Variants in ADORA2B observed in about 807,000 individuals in gnomAD.
ADORA2B encodes adenosine A2b receptor.
ADORA2B carries 18 observed loss-of-function variants against 20.8 expected under a neutral mutation model. The observed-to-expected ratio is 0.87, with a 90% confidence interval of 0.60 to 1.29. ADORA2B has a LOEUF of 1.29. Ranked by LOEUF, ADORA2B falls within the 50% of genes most tolerant of loss-of-function variation. ADORA2B has a pLI of 0.00. For synonymous variants in ADORA2B, 179 were observed against 178.3 expected, an observed-to-expected ratio of 1.00 and a Z score of -0.03; for missense variants, 441 against 422.7, an observed-to-expected ratio of 1.04 and a Z score of -0.38.
In ADORA2B at chr17:15,945,575, C is replaced by A; in HGVS notation, c.327C>A (p.Val109=). 1 of 1,531,654 alleles carries A rather than the reference C, an allele frequency of 6.5e-7. No individual in the cohort carries two copies. Among genetic ancestry groups the A allele is most frequent in the Non-Finnish European group, 8.7e-7 (1 of 1,142,924 alleles). 94.9% of individuals were successfully genotyped at this position (1,531,654 alleles called of 1,614,324 possible). Residue 109 remains valine, a synonymous_variant, in exon 1 of 2, where the codon GTC becomes GTA. Transcript: ENST00000304222. ...VAVDRYLAIC[V]PLRYKSLVTG... ...TCGACAGATACCTGGCCATCTGTGT[C>A]CCGCTCAGGTGAGGCGCTCGGCGTC...
the ADORA2B span, among the ~76,000 whole-genome samples, chr17:15,858,156 A>G: frequency 1.3e-5 from 2 of 152,000 alleles, no homozygotes; most frequent in Non-Finnish European, 2.9e-5. Flanking sequence ...TGGTAGTTCT[A>G]TTGTTATGTT....
At chr17:15,966,186 G>A (rs965215938) in intron 1 of ADORA2B, among the ~76,000 whole-genome samples, 1 of 152,236 alleles carries the variant, frequency 6.6e-6, no homozygotes, top group African/African-American at 2.4e-5. Flanking sequence ...ACTATAAACG[G>A]AAGAAACATC....
the ADORA2B span, among the ~76,000 whole-genome samples, chr17:15,907,012 G>C: frequency 6.6e-6 from 1 of 152,144 alleles, no homozygotes; most frequent in Non-Finnish European, 1.5e-5. Flanking sequence ...CATCTCTCTT[G>C]GGTTTGTAGG....
chr17:15,899,206 G>T, the ADORA2B span, among the ~76,000 whole-genome samples: 4 of 151,890 alleles, frequency 2.6e-5, no homozygotes, highest in Non-Finnish European at 5.9e-5. Flanking sequence ...CTCCAGCCTG[G>T]GTGACAGAGC....
the ADORA2B span, among the ~76,000 whole-genome samples, chr17:15,882,402 G>C: frequency 2.0e-5 from 3 of 152,206 alleles, no homozygotes; most frequent in Non-Finnish European, 4.4e-5. Flanking sequence ...GGCTTTTAGA[G>C]ACTGCACTGG....
At position 15,974,754 on chromosome 17, in the gene ADORA2B, A is replaced by T; in HGVS notation, c.411A>T (p.Gly137=). 1 of 1,614,176 alleles carries T rather than the reference A, an allele frequency of 6.2e-7. No homozygotes were observed. Among genetic ancestry groups the T allele is most frequent in the South Asian group, 1.1e-5 (1 of 91,080 alleles). Residue 137 remains glycine (G), a synonymous_variant, in exon 2 of 2, where the codon GGA becomes GGT. Transcript: ENST00000304222. ...TCTGGGTCCTTGCCTTTGGCATCGG[A>T]TTGACTCCATTCCTGGGGTGGAACA... is the stretch of plus-strand genomic sequence containing the variant. ...AVLWVLAFGI[G]LTPFLGWNSK... is the part of the protein sequence containing the mutation.
chr17:15,966,194 A>G (rs1970113138), intron 1 of ADORA2B, among the ~76,000 whole-genome samples: 1 of 152,256 alleles, frequency 6.6e-6, no homozygotes, highest in Admixed American at 6.5e-5. Context: ...CGGAAGAAAC[A>G]TCCCTAAAAC....
chr17:15,921,176 C>T, the ADORA2B span, among the ~76,000 whole-genome samples: 1 of 81,668 alleles, frequency 1.2e-5, no homozygotes, highest in Non-Finnish European at 2.3e-5. Flanking sequence ...AACCTGTTTC[C>T]AGAAAGCAGA....
intron 1 of ADORA2B, among the ~76,000 whole-genome samples, chr17:15,966,153 T>A (rs1970112587): frequency 6.6e-6 from 1 of 152,238 alleles, no homozygotes; most frequent in South Asian, 2.1e-4. Flanking sequence ...TTCAGAGGAA[T>A]TTAAAGCTTG....
chr17:15,877,019 C>G, the ADORA2B span, among the ~76,000 whole-genome samples: 1 of 152,122 alleles, frequency 6.6e-6, no homozygotes, highest in South Asian at 2.1e-4. Flanking sequence ...TCCTTTTTGT[C>G]TGGCTTATTT....
At chr17:15,903,584 C>G in the ADORA2B span, among the ~76,000 whole-genome samples, 145 of 152,310 alleles carry the variant, frequency 9.5e-4, no homozygotes, top group African/African-American at 3.4e-3. Context: ...AGCCTCCCAG[C>G]CCATCCCCAC....
the ADORA2B span, among the ~76,000 whole-genome samples, chr17:15,902,175 GT>G: frequency 6.6e-6 from 1 of 151,398 alleles, no homozygotes; most frequent in African/African-American, 2.4e-5. Context: ...TGTTTTCAAA[GT>G]TCATCCAGGT....
At chr17:15,911,629 C>T in the ADORA2B span, among the ~76,000 whole-genome samples, 2 of 152,168 alleles carry the variant, frequency 1.3e-5, no homozygotes, top group Non-Finnish European at 2.9e-5. Context: ...TCCCTTTAGG[C>T]TAACAAGAAG....
At chr17:15,946,776 C>CTCAG (rs1162732151) in intron 1 of ADORA2B, among the ~76,000 whole-genome samples, 3 of 152,146 alleles carry the variant, frequency 2.0e-5, no homozygotes, top group Non-Finnish European at 4.4e-5. Flanking sequence ...GGGGCTTGAA[C>CTCAG]TCACAGCTGG....
At chr17:15,933,965 T>G in the ADORA2B span, among the ~76,000 whole-genome samples, 2 of 152,170 alleles carry the variant, frequency 1.3e-5, no homozygotes, top group Non-Finnish European at 2.9e-5. Context: ...CTTTTATCAT[T>G]GAATACGCTA....
the ADORA2B span, among the ~76,000 whole-genome samples, chr17:15,864,304 C>T: frequency 2.0e-5 from 3 of 152,178 alleles, no homozygotes; most frequent in Non-Finnish European, 2.9e-5. Context: ...GCATATGCAA[C>T]GGGAAGCCAG....
chr17:15,964,414 C>G (rs1485667269), intron 1 of ADORA2B, among the ~76,000 whole-genome samples: 6 of 151,526 alleles, frequency 4.0e-5, no homozygotes, highest in Admixed American at 6.6e-5. Context: ...CGAGACCAGC[C>G]TGGCCAGCAT....
At chr17:15,860,429 T>G in the ADORA2B span, among the ~76,000 whole-genome samples, 1 of 149,762 alleles carries the variant, frequency 6.7e-6, no homozygotes. Flanking sequence ...CCGCTGCCTG[T>G]GACCTGGTCA....
chr17:15,964,823 A>AG lies in ADORA2B; in HGVS notation c.336-9854dup, dbSNP rs537418461. Among the ~76,000 whole-genome samples the AG allele has an allele frequency of 6.8e-4, 104 of 151,856 alleles. No homozygotes were observed. In the East Asian group the frequency reaches 0.015, roughly 22 times the overall value. ...ACGCCTGTAACCCCAGCACTTTGGG[A>AG]GGCCAAGGTGGGCGAATCACGAGGT... On this transcript the variant is annotated intron_variant, in intron 1 of 1. Transcript: ENST00000304222.
Sources: allele counts gnomAD v4.1 joint callset (sites outside exome capture counted in the v4.1 genomes callset), GRCh38; gene constraint gnomAD v4.1.1; transcripts MANE v1.5; gene names NCBI Gene and HGNC (gene_info 2026-07-23, HGNC 2026-07-21).